The following PIP4K2A variants were observed in gnomAD, a reference collection of about 807,000 sequenced individuals.
PIP4K2A encodes the protein phosphatidylinositol-5-phosphate 4-kinase type 2 alpha.
In PIP4K2A, 14 loss-of-function variants were observed where a neutral mutation model predicts 42.9. The observed-to-expected ratio is 0.33, with a 90% CI of 0.22 to 0.51. The LOEUF (loss-of-function observed/expected upper bound fraction) is 0.51. PIP4K2A is among the 20% of genes least tolerant of loss of function. The probability of loss-of-function intolerance (pLI) is 0.97; values close to 1 mark genes in which losing one functional copy is unlikely to be tolerated. For synonymous variants in PIP4K2A, 192 were observed against 192.2 expected (o/e 1.00, Z 0.01); for missense variants, 434 against 519.8 (o/e 0.83, Z 1.61).
At chr10:22,546,995 A>C (rs1462030832) in intron 7 of PIP4K2A, among the ~76,000 whole-genome samples, 1 of 152,102 alleles carries the variant, frequency 6.6e-6, no homozygotes, top group Non-Finnish European at 1.5e-5. Flanking sequence ...TGGACCTCAC[A>C]TCTGCCTCTT....
chr10:22,662,758 A>C (rs1327433197), intron 1 of PIP4K2A, among the ~76,000 whole-genome samples: 1 of 152,202 alleles, frequency 6.6e-6, no homozygotes, highest in Non-Finnish European at 1.5e-5. Flanking sequence ...AGGGGCAAGG[A>C]ATTAACTAAA....
rs1291125609 is a variant in PIP4K2A at position 22,645,280 on chromosome 10, T to C, written c.145-35563A>G. Among the ~76,000 whole-genome samples, 17 of 152,302 alleles carry C rather than the reference T, an allele frequency of 1.1e-4. No individual in the cohort carries two copies. The East Asian group carries it at 2.5e-3, about 22-fold the overall frequency. ...ATGAATTAGGGCCAGCCACGATGGCTCACGCCCATAATCCCAGCACTTTGG... is the reference window on the plus strand; with the variant it reads ...ATGAATTAGGGCCAGCCACGATGGCCCACGCCCATAATCCCAGCACTTTGG... On this transcript the variant is annotated intron_variant, in intron 1 of 9. Coordinates refer to ENST00000376573, the MANE Select transcript of PIP4K2A (RefSeq NM_005028.5).
chr10:22,669,698 T>A (rs1210454396), intron 1 of PIP4K2A, among the ~76,000 whole-genome samples: 3 of 152,202 alleles, frequency 2.0e-5, no homozygotes, highest in Non-Finnish European at 4.4e-5. Context: ...ACAGACGGTC[T>A]GCGACTTGCC....
chr10:22,665,803 T>C (rs1447145263), intron 1 of PIP4K2A, among the ~76,000 whole-genome samples: 4 of 151,642 alleles, frequency 2.6e-5, no homozygotes, highest in African/African-American at 9.7e-5. Context: ...AATATATTTA[T>C]ATATATAGAC....
At chr10:22,612,132 T>A (rs763680730) in intron 1 of PIP4K2A, among the ~76,000 whole-genome samples, 3 of 152,254 alleles carry the variant, frequency 2.0e-5, no homozygotes, top group Non-Finnish European at 4.4e-5. Flanking sequence ...ATTTTCCTTA[T>A]TGATTTTCCT....
intron 8 of PIP4K2A, among the ~76,000 whole-genome samples, chr10:22,541,225 G>C (rs1836104118): frequency 6.6e-6 from 1 of 152,172 alleles, no homozygotes. Flanking sequence ...AGCAGAGCCA[G>C]ACTCAGCAGC....
At chr10:22,657,605 T>A (rs577172681) in intron 1 of PIP4K2A, among the ~76,000 whole-genome samples, 2 of 152,346 alleles carry the variant, frequency 1.3e-5, no homozygotes, top group East Asian at 3.9e-4. Context: ...CCAATTTAGA[T>A]TCTACAATGG....
intron 3 of PIP4K2A, among the ~76,000 whole-genome samples, chr10:22,592,723 C>A (rs1397079446): frequency 6.6e-6 from 1 of 152,210 alleles, no homozygotes; most frequent in South Asian, 2.1e-4. Flanking sequence ...CTTGCCCCAA[C>A]CTCTTGACAA....
intron 1 of PIP4K2A, among the ~76,000 whole-genome samples, chr10:22,698,380 T>C (rs2130911888): frequency 6.6e-6 from 1 of 152,350 alleles, no homozygotes; most frequent in Non-Finnish European, 1.5e-5. Context: ...TAACCCTTTT[T>C]GAAAGCAACT....
intron 9 of PIP4K2A, 53 bp downstream of exon 9, chr10:22,539,907 GAGAGGGAGAGA>G (rs1564410951): frequency 1.0e-4 from 16 of 159,548 alleles, no homozygotes; most frequent in Non-Finnish European, 1.5e-4. Context: ...GAGAGAGAGA[GAGAGGGAGAGA>G]GAGAGAGAGA....
chr10:22,689,655 C>A (rs1389255037), intron 1 of PIP4K2A, among the ~76,000 whole-genome samples: 1 of 152,042 alleles, frequency 6.6e-6, no homozygotes, highest in Non-Finnish European at 1.5e-5. Context: ...GAAACCAATC[C>A]CTCACAGATA....
At chr10:22,670,421 G>A (rs1171150250) in intron 1 of PIP4K2A, among the ~76,000 whole-genome samples, 1 of 152,102 alleles carries the variant, frequency 6.6e-6, no homozygotes, top group Non-Finnish European at 1.5e-5. Flanking sequence ...CCACCTGACT[G>A]ACAAACTTCT....
chr10:22,623,453 G>A (rs1376319823), intron 1 of PIP4K2A, among the ~76,000 whole-genome samples: 1 of 152,184 alleles, frequency 6.6e-6, no homozygotes. Flanking sequence ...GCTCCTCGGG[G>A]AGAAGACAGC....
At chr10:22,689,947 G>C (rs1039512521) in intron 1 of PIP4K2A, among the ~76,000 whole-genome samples, 1 of 152,062 alleles carries the variant, frequency 6.6e-6, no homozygotes, top group Non-Finnish European at 1.5e-5. Context: ...GAATAAGGCT[G>C]GAATGTACTT....
chr10:22,540,364 CTTTTT>C (rs199836038), intron 8 of PIP4K2A, among the ~76,000 whole-genome samples: 24 of 144,028 alleles, frequency 1.7e-4, no homozygotes, highest in African/African-American at 5.6e-4. Flanking sequence ...GGAACGGAGT[CTTTTT>C]TTTTTTTTAA....
rs540074488 is a variant in PIP4K2A, at chr10:22,592,327, T to C, written c.340-546A>G. ...GGCATATAGCTAATAAGGGAAGAGC[T>C]AGAATTCTGACTCCAGTGTGGCTGG... On this transcript the variant is annotated intron_variant, in intron 3 of 9. Coordinates refer to ENST00000376573, the MANE Select transcript of PIP4K2A (RefSeq NM_005028.5). Among the ~76,000 whole-genome samples, 73 of 152,322 alleles carry C rather than the reference T, an allele frequency of 4.8e-4. 1 individual carries two copies. The highest frequency in any genetic ancestry group is 7.2e-4 in the Non-Finnish European group (49 of 68,034).
At chr10:22,711,655 T>C (rs1043535669) in intron 1 of PIP4K2A, among the ~76,000 whole-genome samples, 2 of 152,268 alleles carry the variant, frequency 1.3e-5, no homozygotes, top group Non-Finnish European at 1.5e-5. Context: ...ATGAGCGTTT[T>C]ACCACAGTAT....
At chr10:22,710,495 G>A (rs993616031) in intron 1 of PIP4K2A, among the ~76,000 whole-genome samples, 1 of 152,208 alleles carries the variant, frequency 6.6e-6, no homozygotes, top group African/African-American at 2.4e-5. Flanking sequence ...CCCTTTTGGG[G>A]GAGCAGAAAT....
chr10:22,709,121 T>TA (rs375125414), intron 1 of PIP4K2A, among the ~76,000 whole-genome samples: 4,047 of 151,320 alleles, frequency 0.027, 158 homozygotes, highest in African/African-American at 0.092. Flanking sequence ...TTTTTTTTTT[T>TA]AAAAGTCCCC....
Sources: allele counts gnomAD v4.1 joint callset (sites outside exome capture counted in the v4.1 genomes callset), GRCh38; gene constraint gnomAD v4.1.1; transcripts MANE v1.5; gene names NCBI Gene and HGNC (gene_info 2026-07-23, HGNC 2026-07-21).